The following BAZ2B variants were observed in gnomAD, a reference collection of about 807,000 sequenced individuals.
The protein encoded by BAZ2B is bromodomain adjacent to zinc finger domain 2B, also known as bromodomain adjacent to zinc finger domain protein 2B.
BAZ2B carries 91 observed loss-of-function variants against 246.0 expected under a neutral mutation model. That is an observed-to-expected ratio of 0.37 (90% CI 0.31 to 0.44). BAZ2B has a LOEUF of 0.44. Ranked by LOEUF, BAZ2B falls within the 20% of genes least tolerant of loss-of-function variation. The probability of loss-of-function intolerance (pLI) is 1.00; values close to 1 mark genes in which losing one functional copy is unlikely to be tolerated. For missense variants in BAZ2B, 2,332 were observed against 2,533.7 expected, an observed-to-expected ratio of 0.92 and a Z score of 1.71; for synonymous variants, 855 against 860.0, an observed-to-expected ratio of 0.99 and a Z score of 0.10.
intron 7 of BAZ2B, 101 bp downstream of exon 7, chr2:159,438,908 T>C: frequency 1.5e-6 from 2 of 1,323,376 alleles, no homozygotes; most frequent in Non-Finnish European, 2.1e-6. Context: ...GAACTCAAAG[T>C]AATGATTAAC....
intron 1 of BAZ2B, among the ~76,000 whole-genome samples, chr2:159,608,848 C>A (rs997622953): frequency 2.6e-5 from 4 of 152,042 alleles, no homozygotes; most frequent in Admixed American, 2.6e-4. Context: ...CAAACCTATC[C>A]AGCCATTTCT....
At chr2:159,539,885 G>A (rs1290420229) in intron 2 of BAZ2B, among the ~76,000 whole-genome samples, 1 of 151,694 alleles carries the variant, frequency 6.6e-6, no homozygotes, top group Non-Finnish European at 1.5e-5. Context: ...TTCACAACAC[G>A]ACACCTGGCT....
At chr2:159,569,808 G>C (rs1023224648) in intron 1 of BAZ2B, among the ~76,000 whole-genome samples, 1 of 151,878 alleles carries the variant, frequency 6.6e-6, no homozygotes, top group African/African-American at 2.4e-5. Flanking sequence ...CTGGGTGACA[G>C]AGCAAGAGCC....
chr2:159,320,588 TG>T (rs1162623978), intron 36 of BAZ2B, among the ~76,000 whole-genome samples, 170 bp from the exon 37 acceptor site: 3 of 152,228 alleles, frequency 2.0e-5, no homozygotes, highest in Admixed American at 1.3e-4. Context: ...TAAACATTTT[TG>T]TATGTTCTGG....
At chr2:159,464,782 T>C (rs978650532) in intron 3 of BAZ2B, 1 of 152,094 alleles carries the variant, frequency 6.6e-6, no homozygotes, top group Admixed American at 6.6e-5. Flanking sequence ...ATAATTAGAG[T>C]TCATAGATTA....
intron 2 of BAZ2B, among the ~76,000 whole-genome samples, chr2:159,509,364 C>T (rs958101865): frequency 6.6e-6 from 1 of 152,094 alleles, no homozygotes; most frequent in Admixed American, 6.6e-5. Context: ...AACTCAACGA[C>T]CACTTCTAGA....
intron 1 of BAZ2B, among the ~76,000 whole-genome samples, chr2:159,591,927 C>T (rs1184474904): frequency 2.0e-5 from 3 of 152,038 alleles, no homozygotes; most frequent in Non-Finnish European, 4.4e-5. Flanking sequence ...TTAGACGAGG[C>T]TGGGCAGCAA....
At chr2:159,491,942 G>A (rs2080553941) in intron 2 of BAZ2B, among the ~76,000 whole-genome samples, 1 of 151,916 alleles carries the variant, frequency 6.6e-6, no homozygotes, top group Non-Finnish European at 1.5e-5. Flanking sequence ...TCTCTGACCT[G>A]AACTGTCATC....
intron 2 of BAZ2B, among the ~76,000 whole-genome samples, chr2:159,540,857 T>C (rs992962411): frequency 2.6e-5 from 4 of 152,216 alleles, no homozygotes; most frequent in Non-Finnish European, 5.9e-5. Flanking sequence ...TTTATTCTAA[T>C]GTTCACTGTT....
the BAZ2B span, among the ~76,000 whole-genome samples, chr2:159,650,078 T>C: frequency 2.0e-5 from 3 of 152,154 alleles, no homozygotes; most frequent in South Asian, 6.2e-4. Context: ...GTTTTGGATT[T>C]CTTCTATATT....
chr2:159,536,817 C>T (rs1182516607), intron 2 of BAZ2B, among the ~76,000 whole-genome samples: 1 of 151,896 alleles, frequency 6.6e-6, no homozygotes, highest in African/African-American at 2.4e-5. Flanking sequence ...TTCTGAATTA[C>T]GACAAAAATT....
At chr2:159,428,102 T>C (rs1430577117) in intron 12 of BAZ2B, 60 bp from the exon 13 acceptor site, 5 of 1,461,444 alleles carry the variant, frequency 3.4e-6, no homozygotes, top group Non-Finnish European at 3.8e-6. Flanking sequence ...AGCTTTGATG[T>C]ATAGCTAGCT....
the BAZ2B span, among the ~76,000 whole-genome samples, chr2:159,679,010 C>T: frequency 6.6e-6 from 1 of 152,170 alleles, no homozygotes; most frequent in South Asian, 2.1e-4. Flanking sequence ...CGGTGGCTCA[C>T]GCCTGTAATC....
At chr2:159,400,776 C>A (rs925189421) in intron 16 of BAZ2B, 112 bp from the exon 17 acceptor site, 13 of 602,166 alleles carry the variant, frequency 2.2e-5, no homozygotes, top group Non-Finnish European at 3.5e-5. Context: ...CGCAGTGGCT[C>A]ACACCTGTAA....
chr2:159,360,425 C>A (rs576001686), intron 27 of BAZ2B, among the ~76,000 whole-genome samples: 105 of 152,226 alleles, frequency 6.9e-4, no homozygotes, highest in Admixed American at 1.5e-3. Flanking sequence ...TCAAGGAGAA[C>A]TATAAACCAC....
chr2:159,480,411 A>T (rs2079102378), intron 2 of BAZ2B, among the ~76,000 whole-genome samples: 1 of 152,156 alleles, frequency 6.6e-6, no homozygotes, highest in South Asian at 2.1e-4. Context: ...GCTATGAAGT[A>T]TAGGTATTTC....
intron 2 of BAZ2B, among the ~76,000 whole-genome samples, chr2:159,509,122 CCT>C (rs2082644536): frequency 6.6e-6 from 1 of 151,852 alleles, no homozygotes; most frequent in African/African-American, 2.4e-5. Context: ...TCATTATAGT[CCT>C]CTCTCTCACT....
At chr2:159,400,749 T>C in intron 16 of BAZ2B, 85 bp from the exon 17 acceptor site, 1 of 859,952 alleles carries the variant, frequency 1.2e-6, no homozygotes, top group Non-Finnish European at 1.9e-6. Flanking sequence ...TAATTAAAAA[T>C]ATAAGTACAG....
At chr2:159,588,628 G>A (rs1688604987) in intron 1 of BAZ2B, among the ~76,000 whole-genome samples, 1 of 152,148 alleles carries the variant, frequency 6.6e-6, no homozygotes, top group Non-Finnish European at 1.5e-5. Context: ...TAGCACTGCT[G>A]GCCCTGCAGA....
Sources: gnomAD v4.1 joint callset for allele counts (sites outside exome capture counted in the v4.1 genomes callset) on GRCh38, gnomAD v4.1.1 for gene constraint, MANE v1.5 for transcripts, NCBI Gene and HGNC (gene_info 2026-07-23, HGNC 2026-07-21) for gene names.